Variants in CAST observed in about 807,000 individuals in gnomAD.
CAST encodes the protein calpastatin, also known as MIR583 host.
In CAST, 76 loss-of-function variants were observed where a neutral mutation model predicts 119.6. The ratio of observed to expected loss-of-function variants is 0.64; its 90% CI spans 0.53 to 0.77. The LOEUF is 0.77. CAST is among the 30% of genes least tolerant of loss of function. CAST has a pLI of 0.00. For synonymous variants in CAST, 319 were observed against 331.6 expected (o/e 0.96, Z 0.41); for missense variants, 953 against 946.5 (o/e 1.01, Z -0.09).
chr5:95,999,626 G>C, the CAST span, among the ~76,000 whole-genome samples: 1 of 152,132 alleles, frequency 6.6e-6, no homozygotes, highest in African/African-American at 2.4e-5. Context: ...TTACAAACAT[G>C]AGCCATGGCA....
intron 20 of CAST, among the ~76,000 whole-genome samples, chr5:96,752,751 T>G (rs925366313): frequency 7.9e-5 from 12 of 151,934 alleles, no homozygotes; most frequent in African/African-American, 2.9e-4. Flanking sequence ...AATACAGTTT[T>G]ACTCTAAAAT....
the CAST span, among the ~76,000 whole-genome samples, chr5:96,331,549 T>C: frequency 7.2e-5 from 11 of 152,248 alleles, no homozygotes; most frequent in Non-Finnish European, 1.2e-4. Flanking sequence ...TTCCTGTTTT[T>C]CAGTTCAATC....
At chr5:96,041,144 T>C in the CAST span, among the ~76,000 whole-genome samples, 23,969 of 152,096 alleles carry the variant, frequency 0.16, 2,535 homozygotes, top group Non-Finnish European at 0.21. Flanking sequence ...TTATAGTAAC[T>C]TCCTTCTTAA....
chr5:95,992,233 T>C, the CAST span, among the ~76,000 whole-genome samples: 1 of 152,160 alleles, frequency 6.6e-6, no homozygotes, highest in African/African-American at 2.4e-5. Flanking sequence ...ATTGGAAAAC[T>C]CCGTGTTATT....
At chr5:96,650,351 TG>T (rs771506269) in intron 1 of CAST, among the ~76,000 whole-genome samples, 26 of 152,180 alleles carry the variant, frequency 1.7e-4, no homozygotes, top group Non-Finnish European at 3.1e-4. Context: ...GTGGGTCACT[TG>T]GAAGCAAGCT....
the CAST span, among the ~76,000 whole-genome samples, chr5:96,287,169 A>C: frequency 6.6e-6 from 1 of 151,784 alleles, no homozygotes; most frequent in African/African-American, 2.4e-5. Flanking sequence ...TCTTTTTTTC[A>C]TCTGATGAAT....
chr5:96,095,675 T>C, the CAST span, among the ~76,000 whole-genome samples: 2 of 150,934 alleles, frequency 1.3e-5, no homozygotes, highest in African/African-American at 4.9e-5. Flanking sequence ...TTGAAGAAGA[T>C]ATGCTAGGCA....
the CAST span, among the ~76,000 whole-genome samples, chr5:96,437,358 T>A: frequency 6.6e-6 from 1 of 152,236 alleles, no homozygotes; most frequent in Non-Finnish European, 1.5e-5. Context: ...GATAATTAAA[T>A]GTGGCCATAT....
chr5:96,439,424 C>A, the CAST span, among the ~76,000 whole-genome samples: 1 of 152,088 alleles, frequency 6.6e-6, no homozygotes, highest in Non-Finnish European at 1.5e-5. Context: ...AAGAACTAAC[C>A]CTTTCTATGC....
At chr5:96,544,655 A>G (rs1420925212) in intron 1 of CAST, among the ~76,000 whole-genome samples, 1 of 152,132 alleles carries the variant, frequency 6.6e-6, no homozygotes, top group Non-Finnish European at 1.5e-5. Context: ...TAAAAATTGA[A>G]TAATATAAAA....
At chr5:96,227,986 T>C in the CAST span, among the ~76,000 whole-genome samples, 2 of 142,812 alleles carry the variant, frequency 1.4e-5, no homozygotes, top group Admixed American at 1.5e-4. Context: ...TTTTTTGTAG[T>C]CTCCCTCTTT....
At chr5:96,432,079 G>A in the CAST span, 7 of 1,529,026 alleles carry the variant, frequency 4.6e-6, no homozygotes, top group African/African-American at 2.7e-5. Context: ...AAACGATTAC[G>A]TACTTGGCTG....
At chr5:96,326,695 A>ATTTT in the CAST span, among the ~76,000 whole-genome samples, 95 of 95,722 alleles carry the variant, frequency 9.9e-4, no homozygotes, top group East Asian at 1.5e-3. Context: ...ATGGCTTTTC[A>ATTTT]TTTTTTTTTT....
At chr5:95,991,231 A>C in the CAST span, among the ~76,000 whole-genome samples, 5 of 152,220 alleles carry the variant, frequency 3.3e-5, no homozygotes, top group Non-Finnish European at 5.9e-5. Flanking sequence ...GTATGAAGAC[A>C]TCAATTCCAT....
chr5:96,548,375 A>G (rs1746055930), intron 1 of CAST, among the ~76,000 whole-genome samples: 1 of 152,154 alleles, frequency 6.6e-6, no homozygotes, highest in Non-Finnish European at 1.5e-5. Flanking sequence ...ACTTTTTAAT[A>G]TTATATAGAT....
At chr5:96,070,213 C>G in the CAST span, among the ~76,000 whole-genome samples, 6 of 152,144 alleles carry the variant, frequency 3.9e-5, no homozygotes, top group African/African-American at 1.4e-4. Flanking sequence ...AGTAATTATT[C>G]CTTCCTCTCC....
rs940270144 is a variant in CAST at position 96,734,739 on chromosome 5, C to T, written c.631-1433C>T. ...AGCTGGGCACCTTGCAGTCCAGTCC[C>T]TAAGTTCCCTGGGTACCATTGGCAG... On this transcript the variant is annotated intron_variant, in intron 9 of 31. Coordinates refer to ENST00000675179, the MANE Select transcript of CAST (RefSeq NM_001750.7). Among the ~76,000 whole-genome samples, 99 of 152,224 alleles carry T rather than the reference C, an allele frequency of 6.5e-4. 1 individual carries two copies. Among genetic ancestry groups the T allele is most frequent in the African/African-American group, 2.3e-3 (96 of 41,542 alleles).
chr5:96,068,306 A>G, the CAST span, among the ~76,000 whole-genome samples: 1 of 152,064 alleles, frequency 6.6e-6, no homozygotes, highest in African/African-American at 2.4e-5. Context: ...CTATTACTGA[A>G]TGAACAGTGT....
the CAST span, among the ~76,000 whole-genome samples, chr5:96,006,097 A>C: frequency 6.6e-6 from 1 of 152,212 alleles, no homozygotes; most frequent in African/African-American, 2.4e-5. Context: ...TGGTTGACAG[A>C]TATTTTTTCC....
Sources: allele counts gnomAD v4.1 joint callset (sites outside exome capture counted in the v4.1 genomes callset), GRCh38; gene constraint gnomAD v4.1.1; transcripts MANE v1.5; gene names NCBI Gene and HGNC (gene_info 2026-07-23, HGNC 2026-07-21).